COL4A6: variants seen among roughly 807,000 people sequenced by gnomAD.
The protein encoded by COL4A6 is collagen type IV alpha 6 chain.
COL4A6 carries 59 observed loss-of-function variants against 126.7 expected under a neutral mutation model. The ratio of observed to expected loss-of-function variants is 0.47; its 90% CI spans 0.38 to 0.58. The LOEUF (loss-of-function observed/expected upper bound fraction) is 0.58, where lower values mean the gene tolerates loss of function less well. Ranked by LOEUF, COL4A6 falls within the 20% of genes least tolerant of loss-of-function variation. The pLI is 0.00. For missense variants in COL4A6, 1,285 were observed against 1,337.3 expected, an observed-to-expected ratio of 0.96 and a Z score of 0.61; for synonymous variants, 547 against 496.6, an observed-to-expected ratio of 1.10 and a Z score of -1.35.
At chrX:108,247,549 C>T (rs1424550221) in intron 3 of COL4A6, among the ~76,000 whole-genome samples, 1 of 109,649 alleles carries the variant, frequency 9.1e-6, no homozygotes, top group African/African-American at 3.3e-5. Context: ...CTTCCCCCAC[C>T]ACCCCCAACT....
At chrX:108,317,748 C>T (rs1017749568) in intron 2 of COL4A6, among the ~76,000 whole-genome samples, 8 of 111,196 alleles carry the variant, frequency 7.2e-5, no homozygotes, top group Admixed American at 9.6e-5. Flanking sequence ...AGATATGTGG[C>T]GTTATTTCTG....
intron 2 of COL4A6, among the ~76,000 whole-genome samples, chrX:108,425,733 AACACACACAC>A (rs752707988): frequency 8.8e-5 from 8 of 90,586 alleles, no homozygotes; most frequent in East Asian, 7.2e-4. Context: ...CACACACACA[AACACACACAC>A]ACACACACAC....
chrX:108,283,804 T>G (rs1008611945), intron 3 of COL4A6, among the ~76,000 whole-genome samples: 4 of 110,991 alleles, frequency 3.6e-5, no homozygotes, highest in Non-Finnish European at 7.5e-5. Flanking sequence ...TTAGACATGG[T>G]CTTCCAAGAA....
At chrX:108,241,341 G>C (rs1218342677) in intron 3 of COL4A6, among the ~76,000 whole-genome samples, 3 of 109,162 alleles carry the variant, frequency 2.7e-5, no homozygotes, top group Non-Finnish European at 3.8e-5. Flanking sequence ...GAAGCAAAGA[G>C]AAGTTAAATA....
intron 2 of COL4A6, among the ~76,000 whole-genome samples, chrX:108,411,907 T>C (rs374213712): frequency 1.4e-3 from 153 of 110,659 alleles, no homozygotes; most frequent in Non-Finnish European, 2.0e-3. Context: ...GTGTTGAGGA[T>C]AGGGGTGGGA....
chrX:108,424,882 C>T (rs2064045157), intron 2 of COL4A6, among the ~76,000 whole-genome samples: 2 of 109,942 alleles, frequency 1.8e-5, no homozygotes, highest in Middle Eastern at 4.7e-3. Context: ...CATGGGGGAC[C>T]ACACCTGTAG....
chrX:108,155,921 C>T lies in COL4A6; in HGVS notation c.*1079G>A, dbSNP rs1158221924. The T allele has an allele frequency of 8.9e-6, 1 of 111,801 alleles. No homozygotes were observed. Among genetic ancestry groups the T allele is most frequent in the Non-Finnish European group, 1.9e-5 (1 of 53,195 alleles). 9.2% of individuals were successfully genotyped at this position (111,801 alleles called of 1,213,427 possible). On this transcript the variant is annotated 3_prime_UTR_variant, in exon 45 of 45. Coordinates refer to ENST00000334504, the MANE Select transcript of COL4A6 (RefSeq NM_033641.4). ...GCTAACTGCTCAAGAGAAGAGTGTG[C>T]TAGATTTTTATGAGGTTTAAAAAAA... is the stretch of plus-strand genomic sequence containing the variant.
At chrX:108,319,560 GA>G (rs1401101698) in intron 2 of COL4A6, among the ~76,000 whole-genome samples, 2 of 111,618 alleles carry the variant, frequency 1.8e-5, no homozygotes, top group Non-Finnish European at 3.8e-5. Context: ...AAGCAAGGAG[GA>G]AAAAAAGTGA....
At chrX:108,437,841 G>C in intron 2 of COL4A6, 101 bp downstream of exon 2, 1 of 926,987 alleles carries the variant, frequency 1.1e-6, no homozygotes, top group Non-Finnish European at 1.6e-6. Flanking sequence ...ACTCCGTCTC[G>C]TGGTGAAACT....
chrX:108,258,173 T>C (rs1268725136), intron 3 of COL4A6, among the ~76,000 whole-genome samples: 1 of 111,648 alleles, frequency 9.0e-6, no homozygotes, highest in Non-Finnish European at 1.9e-5. Flanking sequence ...AGACAGCTTG[T>C]TAAGGATGAA....
chrX:108,211,701 G>A lies in COL4A6; in HGVS notation c.481C>T (p.Leu161Phe). The A allele has an allele frequency of 8.3e-7, 1 of 1,211,449 alleles. No individual in the cohort carries two copies. Among genetic ancestry groups the A allele is most frequent in the Non-Finnish European group, 1.1e-6 (1 of 895,021 alleles). ...GQKGSKGDPV[L>F]APGSFKGMKG... ...ATTCCTTTGAAACTACCTGGAGCAA[G>A]GACAGGGTCACCTTTTGATCCTTTC... The change falls in exon 7 of 45, where the codon CTT becomes TTT. Residue 161 changes from leucine (L) to phenylalanine (F), a missense_variant. Coordinates refer to ENST00000334504, the MANE Select transcript of COL4A6 (RefSeq NM_033641.4).
At chrX:108,261,761 G>A (rs775900135) in intron 3 of COL4A6, among the ~76,000 whole-genome samples, 3 of 111,603 alleles carry the variant, frequency 2.7e-5, no homozygotes, top group South Asian at 7.5e-4. Context: ...TAAATACCTA[G>A]CTCCAGAATT....
At chrX:108,238,281 T>C (rs946500927) in intron 3 of COL4A6, among the ~76,000 whole-genome samples, 89 of 109,350 alleles carry the variant, frequency 8.1e-4, no homozygotes, top group African/African-American at 2.9e-3. Flanking sequence ...AATTTTTGTA[T>C]TTTTAGTAGA....
At chrX:108,335,640 C>T (rs751537493) in intron 2 of COL4A6, among the ~76,000 whole-genome samples, 193 of 111,010 alleles carry the variant, frequency 1.7e-3, no homozygotes, top group Middle Eastern at 4.6e-3. Context: ...TATACACATA[C>T]ATACATGCAC....
chrX:108,326,418 T>A (rs1181361004), intron 2 of COL4A6, among the ~76,000 whole-genome samples: 1 of 112,261 alleles, frequency 8.9e-6, no homozygotes, highest in Non-Finnish European at 1.9e-5. Context: ...CTTTATGATA[T>A]CAATTTTCCC....
At chrX:108,243,608 G>A (rs1045457281) in intron 3 of COL4A6, among the ~76,000 whole-genome samples, 1 of 111,996 alleles carries the variant, frequency 8.9e-6, no homozygotes, top group South Asian at 3.7e-4. Context: ...TTTTGTTATG[G>A]CAGTTCAATC....
chrX:108,394,132 G>A (rs2040903883), intron 2 of COL4A6, among the ~76,000 whole-genome samples: 1 of 111,798 alleles, frequency 8.9e-6, no homozygotes, highest in Non-Finnish European at 1.9e-5. Flanking sequence ...GCAGGGACAT[G>A]GATGAAGCTG....
At chrX:108,309,284 C>T (rs866909230) in intron 3 of COL4A6, among the ~76,000 whole-genome samples, 4 of 110,224 alleles carry the variant, frequency 3.6e-5, no homozygotes, top group South Asian at 4.1e-4. Context: ...GTGAACATGT[C>T]TTCCGTGAGA....
At chrX:108,341,748 C>G (rs1180929232) in intron 2 of COL4A6, among the ~76,000 whole-genome samples, 1 of 111,611 alleles carries the variant, frequency 9.0e-6, no homozygotes, top group Non-Finnish European at 1.9e-5. Flanking sequence ...GGCAGTGACT[C>G]TTGGGTCAGA....
Sources: allele counts gnomAD v4.1 joint callset (sites outside exome capture counted in the v4.1 genomes callset), GRCh38; gene constraint gnomAD v4.1.1; transcripts MANE v1.5; gene names NCBI Gene and HGNC (gene_info 2026-07-23, HGNC 2026-07-21).